Variants in RSRC1 observed in about 807,000 individuals in gnomAD.
RSRC1 encodes arginine and serine rich coiled-coil 1.
Under a neutral mutation model 49.1 loss-of-function variants are expected in RSRC1, and 39 were observed. That is an observed-to-expected ratio of 0.79 (90% CI 0.61 to 1.04). The LOEUF is 1.04. RSRC1 is among the 50% of genes least tolerant of loss of function. The pLI, the probability that RSRC1 is intolerant of heterozygous loss-of-function variation, is 0.00. For missense variants in RSRC1, 388 were observed against 402.4 expected (o/e 0.96, Z 0.31); for synonymous variants, 143 against 130.8 (o/e 1.09, Z -0.63).
chr3:158,139,893 A>C (rs1716639074), intron 3 of RSRC1, among the ~76,000 whole-genome samples: 1 of 152,246 alleles, frequency 6.6e-6, no homozygotes, highest in East Asian at 1.9e-4. Context: ...TGGCCTCCCA[A>C]AGTGCTTGGA....
intron 6 of RSRC1, among the ~76,000 whole-genome samples, chr3:158,367,409 G>T (rs1228923229): frequency 6.6e-6 from 1 of 151,962 alleles, no homozygotes; most frequent in Non-Finnish European, 1.5e-5. Context: ...GGTTTTTGTC[G>T]CTGGTTCTGT....
chr3:158,223,444 G>A (rs696715), intron 4 of RSRC1, among the ~76,000 whole-genome samples: 98,269 of 151,486 alleles, frequency 0.65, 32,170 homozygotes, highest in East Asian at 0.84. Flanking sequence ...ATTTCCATAC[G>A]TGTCAAACAA....
chr3:158,386,870 C>T (rs936266506), intron 6 of RSRC1, among the ~76,000 whole-genome samples: 2 of 149,434 alleles, frequency 1.3e-5, no homozygotes, highest in South Asian at 4.2e-4. Flanking sequence ...ATTGCAAAAT[C>T]ATCGAAAAGA....
At chr3:158,474,919 G>C (rs1446472624) in intron 7 of RSRC1, among the ~76,000 whole-genome samples, 1 of 145,042 alleles carries the variant, frequency 6.9e-6, no homozygotes, top group Non-Finnish European at 1.5e-5. Context: ...TTTTGGAGGG[G>C]AGACGGGGGT....
intron 5 of RSRC1, among the ~76,000 whole-genome samples, chr3:158,314,008 A>T (rs1728263636): frequency 6.6e-6 from 1 of 152,242 alleles, no homozygotes; most frequent in Non-Finnish European, 1.5e-5. Context: ...ATTGTCTTTT[A>T]ATAGGAATCC....
chr3:158,436,672 TAGAAC>T (rs1050843135), intron 6 of RSRC1, among the ~76,000 whole-genome samples: 1 of 151,874 alleles, frequency 6.6e-6, no homozygotes, highest in African/African-American at 2.4e-5. Context: ...ATATCATAAA[TAGAAC>T]AGACACATGC....
intron 6 of RSRC1, among the ~76,000 whole-genome samples, chr3:158,375,861 A>G (rs1425777219): frequency 1.3e-5 from 2 of 152,234 alleles, no homozygotes; most frequent in East Asian, 3.8e-4. Flanking sequence ...TCAACATTCA[A>G]CAATTTTTAA....
intron 3 of RSRC1, among the ~76,000 whole-genome samples, chr3:158,198,212 T>C (rs1720765684): frequency 6.6e-6 from 1 of 152,188 alleles, no homozygotes; most frequent in South Asian, 2.1e-4. Context: ...TAGTTAGCTC[T>C]TCTTGTTGAA....
chr3:158,446,185 A>G (rs1382226364), intron 6 of RSRC1, among the ~76,000 whole-genome samples: 5 of 152,126 alleles, frequency 3.3e-5, no homozygotes, highest in African/African-American at 1.2e-4. Context: ...ATTCAGTTTT[A>G]GAGGGCAGAT....
rs1382473611 is a variant in RSRC1 at position 158,229,224 on chromosome 3, A to G, written c.494+25979A>G. 2.7e-5 allele frequency among the ~76,000 whole-genome samples: 4 copies of G among 150,802 alleles called. 1 individual carries two copies. The highest frequency in any genetic ancestry group is 4.9e-5 in the African/African-American group (2 of 40,818). On this transcript the variant is annotated intron_variant, in intron 4 of 9. Transcript: ENST00000611884. The stretch of plus-strand genomic sequence containing the variant: ...TGTGTATATATGTATACACACATAC[A>G]CGTATATGTGTATGTATGTATATAA...
At chr3:158,513,465 C>G (rs569303542) in intron 7 of RSRC1, among the ~76,000 whole-genome samples, 1 of 152,082 alleles carries the variant, frequency 6.6e-6, no homozygotes, top group Non-Finnish European at 1.5e-5. Context: ...AGGGATGAAG[C>G]CCACTTGATC....
At chr3:158,449,469 G>T (rs1015824065) in intron 6 of RSRC1, among the ~76,000 whole-genome samples, 2 of 151,870 alleles carry the variant, frequency 1.3e-5, no homozygotes, top group African/African-American at 4.8e-5. Context: ...CTTTAAATTT[G>T]CAGATAAGCA....
Position 158,285,416 on chromosome 3 carries a change from G to T in RSRC1, c.495-12623G>T, listed in dbSNP as rs368670570. ...CCATATGAACTTTAAAGTAGTTTTT[G>T]CCAATTCTGTGAAGAAAGTCATTGG... is the stretch of plus-strand genomic sequence containing the variant. On this transcript the variant is annotated intron_variant, in intron 4 of 9. Transcript: ENST00000611884. 1.2e-3 allele frequency among the ~76,000 whole-genome samples: 179 copies of T among 152,168 alleles called. 2 individuals are homozygous for T. Among genetic ancestry groups the T allele is most frequent in the Admixed American group, 2.4e-3 (37 of 15,264 alleles).
At chr3:158,323,442 A>G (rs1728877409) in intron 5 of RSRC1, among the ~76,000 whole-genome samples, 2 of 152,174 alleles carry the variant, frequency 1.3e-5, no homozygotes, top group Non-Finnish European at 2.9e-5. Flanking sequence ...TCCAATCTTC[A>G]TCTGGTTCTT....
intron 6 of RSRC1, among the ~76,000 whole-genome samples, chr3:158,355,891 A>G (rs1214572096): frequency 1.3e-5 from 2 of 151,856 alleles, no homozygotes; most frequent in Admixed American, 1.3e-4. Context: ...TATCTAATTT[A>G]TATCTGTATC....
intron 8 of RSRC1, among the ~76,000 whole-genome samples, chr3:158,542,085 T>C (rs1224207514): frequency 6.6e-6 from 1 of 152,168 alleles, no homozygotes; most frequent in Non-Finnish European, 1.5e-5. Flanking sequence ...TTTATATATA[T>C]ATTTTAATAT....
Position 158,203,467 on chromosome 3 carries a change from T to C in RSRC1, c.494+222T>C, listed in dbSNP as rs373629506. Among the ~76,000 whole-genome samples the C allele has an allele frequency of 1.9e-4, 29 of 152,272 alleles. 1 individual carries two copies. Among genetic ancestry groups the C allele is most frequent in the East Asian group, 1.7e-3 (9 of 5,184 alleles). On this transcript the variant is annotated intron_variant, in intron 4 of 9. Coordinates refer to ENST00000611884, the MANE Select transcript of RSRC1 (RefSeq NM_001271838.2). ...CATTTTCATTTCTATTTTTATTTAA[T>C]AATAATATAACAATATTGGAATCAA...
intron 4 of RSRC1, among the ~76,000 whole-genome samples, chr3:158,254,165 T>A (rs1242715419): frequency 1.3e-5 from 2 of 152,210 alleles, no homozygotes; most frequent in Non-Finnish European, 2.9e-5. Flanking sequence ...CAGTCTATCA[T>A]TGATGGACAT....
chr3:158,195,742 T>A lies in RSRC1; in HGVS notation c.321-7330T>A, dbSNP rs1350409640. On this transcript the variant is annotated intron_variant, in intron 3 of 9. Coordinates refer to ENST00000611884, the MANE Select transcript of RSRC1 (RefSeq NM_001271838.2). ...GCTAGCCAGTTTTTCCAGCACCATT[T>A]ATTAAATAGGGAATCCTTTCCCCAT... is the stretch of plus-strand genomic sequence containing the variant. 2.0e-5 allele frequency among the ~76,000 whole-genome samples: 3 copies of A among 152,212 alleles called. No homozygotes were observed. In the East Asian group the frequency reaches 5.8e-4, roughly 29 times the overall value.
Sources: gnomAD v4.1 joint callset for allele counts (sites outside exome capture counted in the v4.1 genomes callset) on GRCh38, gnomAD v4.1.1 for gene constraint, MANE v1.5 for transcripts, NCBI Gene and HGNC (gene_info 2026-07-23, HGNC 2026-07-21) for gene names.